Variants in N4BP2L2 observed in about 807,000 individuals in gnomAD.
N4BP2L2 encodes NEDD4 binding protein 2 like 2, also known as NEDD4-binding protein 2-like 2.
N4BP2L2 carries 50 observed loss-of-function variants against 56.2 expected under a neutral mutation model. The ratio of observed to expected loss-of-function variants is 0.89; its 90% CI spans 0.71 to 1.13. N4BP2L2 has a LOEUF of 1.13. Ranked by LOEUF, N4BP2L2 falls within the 50% of genes most tolerant of loss-of-function variation. N4BP2L2 has a pLI of 0.00. For missense variants in N4BP2L2, 689 were observed against 693.8 expected, an observed-to-expected ratio of 0.99 and a Z score of 0.08; for synonymous variants, 203 against 223.6, an observed-to-expected ratio of 0.91 and a Z score of 0.82.
chr13:32,492,761 T>C (rs942808137), intron 6 of N4BP2L2, among the ~76,000 whole-genome samples: 2 of 152,090 alleles, frequency 1.3e-5, no homozygotes, highest in African/African-American at 4.8e-5. Flanking sequence ...ATAAGTATCA[T>C]GCTCTCAAAA....
At chr13:32,503,621 T>C (rs993670844) in intron 6 of N4BP2L2, among the ~76,000 whole-genome samples, 1 of 152,238 alleles carries the variant, frequency 6.6e-6, no homozygotes, top group African/African-American at 2.4e-5. Flanking sequence ...TTTAAAAAGC[T>C]AAATTTTTAG....
rs772749771 is a variant in N4BP2L2 at position 32,537,018 on chromosome 13, CA to C, written c.9del (p.Tyr3Ter). On this transcript the variant is annotated frameshift_variant, in exon 2 of 6. Transcript: ENST00000267068. LOFTEE classifies it high-confidence loss of function. ...CCCAAGAATTTACCTTCAATTTCAC[CA>C]TAAGACATCTGAGAAATAAATAAAT... 9.1e-6 allele frequency: 14 copies of C among 1,544,728 alleles called. No individual in the cohort carries two copies. Among genetic ancestry groups the C allele is most frequent in the Non-Finnish European group, 1.1e-5 (13 of 1,144,946 alleles).
At chr13:32,439,834 A>T (rs1320487557) in intron 7 of N4BP2L2, among the ~76,000 whole-genome samples, 1 of 147,206 alleles carries the variant, frequency 6.8e-6, no homozygotes, top group Admixed American at 6.8e-5. Context: ...AGGATGGTGA[A>T]ACCCCATCTC....
Position 32,536,792 on chromosome 13 carries a change from T to C in N4BP2L2, c.236A>G (p.His79Arg), listed in dbSNP as rs111244621. Residue 79 changes from histidine to arginine, a missense_variant, in exon 2 of 6, where the codon CAT becomes CGT. Transcript: ENST00000267068. ...AGGCATCTCATCATGCAAAGGTCTA[T>C]GCAAATCTGTAGTTTTGATTTTGTT... 4.5e-5 allele frequency: 73 copies of C among 1,614,156 alleles called. No homozygotes were observed. The African/African-American group carries it at 8.7e-4, about 19-fold the overall frequency.
At chr13:32,500,544 T>TGA (rs201197139) in intron 6 of N4BP2L2, among the ~76,000 whole-genome samples, 2 of 71,514 alleles carry the variant, frequency 2.8e-5, no homozygotes, top group African/African-American at 1.2e-4. Flanking sequence ...ATCCTGTCTC[T>TGA]ACAAAAAAAA....
chr13:32,509,277 C>CCTGGA (rs1473067809), downstream of N4BP2L2: 3 of 152,170 alleles, frequency 2.0e-5, no homozygotes, highest in Non-Finnish European at 4.4e-5. Flanking sequence ...CACCGGAGCA[C>CCTGGA]TTTGGATTTC....
At chr13:32,442,363 CTTTTAG>C in intron 7 of N4BP2L2, 1 of 1,518,458 alleles carries the variant, frequency 6.6e-7, no homozygotes, top group Non-Finnish European at 8.8e-7. Flanking sequence ...GGATCTTTTA[CTTTTAG>C]CAAAAGAAAA....
chr13:32,499,571 G>A (rs2089564759), intron 6 of N4BP2L2, among the ~76,000 whole-genome samples: 1 of 152,166 alleles, frequency 6.6e-6, no homozygotes, highest in Non-Finnish European at 1.5e-5. Flanking sequence ...CCTATTCAAA[G>A]TCAATCTCAT....
At chr13:32,446,387 T>A in intron 6 of N4BP2L2, 1 of 1,365,414 alleles carries the variant, frequency 7.3e-7, no homozygotes, top group Non-Finnish European at 9.8e-7. Context: ...CTAGTTGCAG[T>A]CCAAGGTGCA....
At chr13:32,460,224 C>T (rs2079784070) in intron 6 of N4BP2L2, among the ~76,000 whole-genome samples, 1 of 152,102 alleles carries the variant, frequency 6.6e-6, no homozygotes, top group Non-Finnish European at 1.5e-5. Context: ...AGCTGAAAGC[C>T]TTTCCTCTAA....
chr13:32,526,845 T>TTTTTTTTTTTTTTTTTTTTTTTTG (rs2053108328), intron 3 of N4BP2L2: 1 of 139,366 alleles, frequency 7.2e-6, no homozygotes, highest in Admixed American at 7.0e-5. Context: ...TTTTTTTTTT[T>TTTTTTTTTTTTTTTTTTTTTTTTG]TGCTTTTTTT....
upstream of N4BP2L2, chr13:32,538,819 C>CA (rs200030734): frequency 1.3e-3 from 1,318 of 985,424 alleles, 14 homozygotes; most frequent in African/African-American, 0.021. Flanking sequence ...TTACCCAGGC[C>CA]AAAACTAGGC....
chr13:32,470,214 C>T (rs2082046278), intron 6 of N4BP2L2, among the ~76,000 whole-genome samples: 3 of 152,180 alleles, frequency 2.0e-5, no homozygotes, highest in East Asian at 1.9e-4. Context: ...GACAATGGAA[C>T]TGGGACTTCT....
intron 6 of N4BP2L2, among the ~76,000 whole-genome samples, chr13:32,458,192 G>A (rs2079323699): frequency 6.6e-6 from 1 of 152,150 alleles, no homozygotes; most frequent in South Asian, 2.1e-4. Flanking sequence ...AGTCTCCCGA[G>A]TAGCTGGGAC....
chr13:32,478,423 C>G (rs2083821165), intron 6 of N4BP2L2: 1 of 172,494 alleles, frequency 5.8e-6, no homozygotes, highest in Non-Finnish European at 1.3e-5. Context: ...CAGGCTTCCT[C>G]CCCAGCCAAA....
exon 2 of N4BP2L2, chr13:32,535,875 C>T: frequency 1.9e-6 from 3 of 1,614,116 alleles, no homozygotes; most frequent in Non-Finnish European, 2.5e-6. Context: ...ACAAACCTGT[C>T]TGTTCCATTA....
At chr13:32,481,138 A>AC (rs2084636100) in intron 6 of N4BP2L2, among the ~76,000 whole-genome samples, 1 of 150,780 alleles carries the variant, frequency 6.6e-6, no homozygotes, top group Non-Finnish European at 1.5e-5. Flanking sequence ...AAAAAAAAAA[A>AC]AAAAAAAAAA....
chr13:32,529,569 T>C (rs1302885335), intron 2 of N4BP2L2, among the ~76,000 whole-genome samples: 1 of 152,192 alleles, frequency 6.6e-6, no homozygotes, highest in Non-Finnish European at 1.5e-5. Flanking sequence ...AGATTTTGAT[T>C]GTAACTGATC....
At position 32,535,317 on chromosome 13, in the gene N4BP2L2, G is replaced by C. The variant is rs751048236; in HGVS notation, c.1259+452C>G. Among the ~76,000 whole-genome samples, 3 of 152,158 alleles carry C rather than the reference G, an allele frequency of 2.0e-5. No homozygotes were observed. In the South Asian group the frequency reaches 6.2e-4, roughly 32 times the overall value. The stretch of plus-strand genomic sequence containing the variant: ...TTCCTTGAACAGCTGACTCAAAAGG[G>C]TAGGCCAGGACAGTTCTCAAGTAGC... On this transcript the variant is annotated intron_variant, in intron 2 of 5. Transcript: ENST00000267068.
Sources: gnomAD v4.1 joint callset for allele counts (sites outside exome capture counted in the v4.1 genomes callset) on GRCh38, gnomAD v4.1.1 for gene constraint, MANE v1.5 for transcripts, NCBI Gene and HGNC (gene_info 2026-07-23, HGNC 2026-07-21) for gene names.